URB1: variants seen among roughly 807,000 people sequenced by gnomAD.
URB1 encodes URB1 ribosome biogenesis factor.
URB1 carries 197 observed loss-of-function variants against 242.3 expected under a neutral mutation model. The observed-to-expected ratio is 0.81, with a 90% CI of 0.72 to 0.91. The LOEUF is 0.91. URB1 is among the 40% of genes least tolerant of loss of function. The pLI, the probability that URB1 is intolerant of heterozygous loss-of-function variation, is 0.00. For synonymous variants in URB1, 1,153 were observed against 1,201.8 expected (o/e 0.96, Z 0.84); for missense variants, 2,721 against 2,860.5 (o/e 0.95, Z 1.11).
rs186517317 is a variant in URB1, at chr21:32,384,196, G to A, written c.434+117C>T. The A allele has an allele frequency of 7.0e-5, 91 of 1,299,154 alleles. No individual in the cohort carries two copies. The East Asian group carries it at 1.7e-3, about 25-fold the overall frequency. 80.5% of individuals were successfully genotyped at this position (1,299,154 alleles called of 1,614,324 possible). A position where few individuals can be genotyped will look rare whatever the true frequency, so the allele number is the denominator to read the frequency against. Reference sequence around the variant, plus strand: ...GCAGAGACTCGGTCACTGTGGCCTCGGAAATAGCTCAGCTCTCCTCTAGCC... The same window carrying A: ...GCAGAGACTCGGTCACTGTGGCCTCAGAAATAGCTCAGCTCTCCTCTAGCC... On this transcript the variant is annotated intron_variant, in intron 3 of 38. Transcript: ENST00000382751.
In URB1 at chr21:32,344,633, C is replaced by T. The variant is rs2033065032; in HGVS notation, c.4194G>A (p.Gln1398=). 1 of 1,552,394 alleles carries T rather than the reference C, an allele frequency of 6.4e-7. No individual in the cohort carries two copies. The highest frequency in any genetic ancestry group is 8.7e-7 in the Non-Finnish European group (1 of 1,147,148). Residue 1398 remains glutamine, a synonymous_variant, in exon 24 of 39, where the codon CAG becomes CAA. Transcript: ENST00000382751. ...GATTCTGAGTATTATCATCATCTTG[C>T]TGTCCACCACTGAAAGACACGATCA... is the stretch of plus-strand genomic sequence containing the variant. The part of the protein sequence containing the change: ...KWLIVSFSGG[Q]QDDDNTQNQE...
intron 22 of URB1, 58 bp downstream of exon 22, chr21:32,346,898 A>C (rs1418024260): frequency 6.9e-7 from 1 of 1,446,790 alleles, no homozygotes; most frequent in African/African-American, 1.4e-5. Flanking sequence ...CATGCAGTTC[A>C]CCTTCTTAGC....
chr21:32,355,079 T>A, intron 16 of URB1, 82 bp from the exon 17 acceptor site: 1 of 1,441,568 alleles, frequency 6.9e-7, no homozygotes, highest in Non-Finnish European at 9.3e-7. Context: ...CTGGTCAAAA[T>A]CAAGGCAAGT....
At chr21:32,333,182 G>A in intron 30 of URB1, 135 bp downstream of exon 30, 1 of 765,514 alleles carries the variant, frequency 1.3e-6, no homozygotes, top group Non-Finnish European at 2.2e-6. Context: ...AGATGAGGAT[G>A]GCTGAAGATC....
In URB1 at chr21:32,375,804, G is replaced by C. The variant is rs1033774795; in HGVS notation, c.665-321C>G. Among the ~76,000 whole-genome samples the C allele has an allele frequency of 2.0e-5, 3 of 151,804 alleles. No homozygotes were observed. The South Asian group carries it at 6.2e-4, about 32-fold the overall frequency. On this transcript the variant is annotated intron_variant, in intron 5 of 38. Transcript: ENST00000382751. ...CAAAAAAAAATTTAAAAATTAGCTG[G>C]GTATGGTGGTGCGCACCTGTAGTCT...
intron 8 of URB1, among the ~76,000 whole-genome samples, chr21:32,372,099 C>T (rs982709098): frequency 2.6e-5 from 4 of 152,190 alleles, no homozygotes; most frequent in African/African-American, 7.2e-5. Flanking sequence ...GTAAGTGTCT[C>T]GACCTCTCTA....
chr21:32,373,851 C>A (rs2033431789), intron 6 of URB1, 79 bp from the exon 7 acceptor site: 1 of 1,271,022 alleles, frequency 7.9e-7, no homozygotes, highest in East Asian at 3.0e-5. Context: ...TTAAATGGTG[C>A]TTACTGTTTT....
In URB1 at chr21:32,318,782, A is replaced by G. The variant is rs1568806853; in HGVS notation, c.5792+435T>C. 2.0e-5 allele frequency among the ~76,000 whole-genome samples: 3 copies of G among 152,368 alleles called. No homozygotes were observed. The South Asian group carries it at 6.2e-4, about 32-fold the overall frequency. ...AAACATTCCAGAGAATTCATGGACA[A>G]TGAGTCTTCGCAGGCTAATGAAGGC... On this transcript the variant is annotated intron_variant, in intron 36 of 38. Transcript: ENST00000382751.
At chr21:32,384,635 C>T (rs2033561906) in intron 2 of URB1, among the ~76,000 whole-genome samples, 171 bp from the exon 3 acceptor site, 2 of 152,172 alleles carry the variant, frequency 1.3e-5, no homozygotes, top group South Asian at 4.1e-4. Flanking sequence ...GGCTGATCTG[C>T]AGGACCCATG....
intron 26 of URB1, among the ~76,000 whole-genome samples, chr21:32,338,495 T>C (rs1044353400): frequency 6.6e-6 from 1 of 152,228 alleles, no homozygotes; most frequent in African/African-American, 2.4e-5. Flanking sequence ...AGTTAAGGCC[T>C]TGAAAACAGG....
Position 32,347,618 on chromosome 21 carries a change from A to G in URB1, c.3206T>C (p.Leu1069Pro), listed in dbSNP as rs1162083276. 1.9e-6 allele frequency: 3 copies of G among 1,551,564 alleles called. No homozygotes were observed. In the East Asian group the frequency reaches 7.3e-5, roughly 38 times the overall value. The change falls in exon 22 of 39, where the codon CTG becomes CCG. Residue 1069 changes from leucine (L) to proline (P), a missense_variant. Coordinates refer to ENST00000382751, the MANE Select transcript of URB1 (RefSeq NM_014825.3). ...SAPILQNIGQ[L>P]GLLARYSEAI... ...CTCTGAGTACCTGGCCAGAAGGCCC[A>G]GCTGCCCAATGTTCTGGAGGATCGG... is the stretch of plus-strand genomic sequence containing the variant.
At chr21:32,339,393 C>CA (rs2033001533) in intron 25 of URB1, among the ~76,000 whole-genome samples, 1 of 152,148 alleles carries the variant, frequency 6.6e-6, no homozygotes, top group Non-Finnish European at 1.5e-5. Flanking sequence ...ACCACTGACA[C>CA]GGCACTGCAT....
rs574633707 is a variant in URB1, at chr21:32,348,065, G to C, written c.3013-254C>G. Among the ~76,000 whole-genome samples, 29 of 152,326 alleles carry C rather than the reference G, an allele frequency of 1.9e-4. 1 individual carries two copies. Among genetic ancestry groups the C allele is most frequent in the Non-Finnish European group, 1.8e-4 (12 of 68,018 alleles). On this transcript the variant is annotated intron_variant, in intron 21 of 38. Coordinates refer to ENST00000382751, the MANE Select transcript of URB1 (RefSeq NM_014825.3). ...ACACTCCACCTGCCCCGGAAGGACT[G>C]GACTGTGACCTGGCTGGTGCCCCAC...
At chr21:32,385,947 T>C (rs1018922846) in intron 1 of URB1, among the ~76,000 whole-genome samples, 5 of 150,964 alleles carry the variant, frequency 3.3e-5, no homozygotes, top group African/African-American at 1.2e-4. Context: ...AGGTCAGGAG[T>C]TCAAGACCAG....
chr21:32,352,918 C>T lies in URB1; in HGVS notation c.2417-12G>A, dbSNP rs575812110. 4.4e-5 allele frequency: 67 copies of T among 1,532,046 alleles called. No individual in the cohort carries two copies. The East Asian group carries it at 7.6e-4, about 17-fold the overall frequency. The allele number at this position is 1,532,046 out of a possible 1,614,324, so 94.9% of individuals were successfully genotyped here. A position where few individuals can be genotyped will look rare whatever the true frequency, so the allele number is the denominator to read the frequency against. The stretch of plus-strand genomic sequence containing the variant: ...CACAACGTTTTCCGCTGCAAAGGAA[C>T]GAGATGCATATGGGAAGAGGCTGGC... On this transcript the variant is annotated splice_polypyrimidine_tract_variant and intron_variant, in intron 18 of 38. Transcript: ENST00000382751.
intron 1 of URB1, among the ~76,000 whole-genome samples, chr21:32,389,553 G>A (rs1219093500): frequency 6.6e-6 from 1 of 152,184 alleles, no homozygotes; most frequent in East Asian, 1.9e-4. Flanking sequence ...GAAGGAAAGA[G>A]GGGGAGCAGA....
At position 32,312,006 on chromosome 21, in the gene URB1, A is replaced by G. The variant is rs374466622; in HGVS notation, c.*2912T>C. 3 of 1,613,000 alleles carry G rather than the reference A, an allele frequency of 1.9e-6. No homozygotes were observed. The highest frequency in any genetic ancestry group is 2.5e-6 in the Non-Finnish European group (3 of 1,180,034). On this transcript the variant is annotated 3_prime_UTR_variant, in exon 39 of 39. Coordinates refer to ENST00000382751, the MANE Select transcript of URB1 (RefSeq NM_014825.3). ...TCAATTGCAGAGCTGATGTCAGTAA[A>G]TCGTGGCCATAGCTGAGTGAACTGG...
intron 26 of URB1, among the ~76,000 whole-genome samples, chr21:32,338,468 C>T (rs1192370860): frequency 6.6e-6 from 1 of 152,216 alleles, no homozygotes; most frequent in Admixed American, 6.5e-5. Context: ...AGATCTCAAA[C>T]ACAACTTCTG....
At position 32,392,986 on chromosome 21, in the gene URB1, C is replaced by CA; in HGVS notation, c.-77dup. ...CAGGAGCACTGGCACAGACAGCAGACACGCGCTTCAGGCCCACATGGCGCA... is the reference window on the plus strand; with the variant it reads ...CAGGAGCACTGGCACAGACAGCAGACAACGCGCTTCAGGCCCACATGGCGCA... On this transcript the variant is annotated 5_prime_UTR_variant, in exon 1 of 39. Transcript: ENST00000382751. 7.1e-7 allele frequency: 1 copy of CA among 1,413,854 alleles called. No homozygotes were observed. Among genetic ancestry groups the CA allele is most frequent in the Non-Finnish European group, 9.2e-7 (1 of 1,083,050 alleles). 87.6% of individuals were successfully genotyped at this position (1,413,854 alleles called of 1,614,324 possible).
Sources: allele counts gnomAD v4.1 joint callset (sites outside exome capture counted in the v4.1 genomes callset), GRCh38; gene constraint gnomAD v4.1.1; transcripts MANE v1.5; gene names NCBI Gene and HGNC (gene_info 2026-07-23, HGNC 2026-07-21).